The following ADAMTS7 variants were observed in gnomAD, a reference collection of about 807,000 sequenced individuals.
The protein encoded by ADAMTS7 is A disintegrin and metalloproteinase with thrombospondin motifs 7.
A neutral mutation model predicts 172.6 loss-of-function variants in ADAMTS7; 89 were observed. The observed-to-expected ratio is 0.52, with a 90% CI of 0.43 to 0.61. The LOEUF is 0.61. Ranked by LOEUF, ADAMTS7 falls within the 20% of genes least tolerant of loss-of-function variation. ADAMTS7 has a pLI of 0.00. For missense variants in ADAMTS7, 1,973 were observed against 2,355.6 expected, an observed-to-expected ratio of 0.84 and a Z score of 3.36; for synonymous variants, 885 against 978.4, an observed-to-expected ratio of 0.90 and a Z score of 1.78.
rs532805485 is a variant in ADAMTS7, at chr15:78,777,161, A to C, written c.1467+283T>G. On this transcript the variant is annotated intron_variant, in intron 9 of 23. Coordinates refer to ENST00000388820, the MANE Select transcript of ADAMTS7 (RefSeq NM_014272.5). ...GCCAGGATAAACAGACCCTCTCCAC[A>C]GGGGTTCCTTTTCCCTCTTATAAGC... The C allele has an allele frequency of 3.9e-4, 221 of 570,580 alleles. 1 individual carries two copies. The South Asian group carries it at 4.7e-3, about 12-fold the overall frequency. The allele number at this position is 570,580 out of a possible 1,614,324, so 35.3% of individuals were successfully genotyped here. A position where few individuals can be genotyped will look rare whatever the true frequency, so the allele number is the denominator to read the frequency against.
Position 78,766,602 on chromosome 15 carries a change from AG to A in ADAMTS7, c.3308del (p.Ala1103ValfsTer51). On this transcript the variant is annotated frameshift_variant, in exon 19 of 24. Transcript: ENST00000388820. LOFTEE classifies it high-confidence loss of function. The stretch of plus-strand genomic sequence containing the variant: ...GCACGGGGCTACCCGTGGAGGGCGC[AG>A]CAGGATGGCTGTGTGGTGGGGGTGT... ...DRTPPPHSHP[A>X]APSTGSPVPA... 6.2e-7 allele frequency: 1 copy of A among 1,605,458 alleles called. No individual in the cohort carries two copies. Among genetic ancestry groups the A allele is most frequent in the Non-Finnish European group, 8.5e-7 (1 of 1,177,634 alleles).
At chr15:78,768,742 C>T (rs541740214) in intron 16 of ADAMTS7, among the ~76,000 whole-genome samples, 2 of 152,342 alleles carry the variant, frequency 1.3e-5, no homozygotes, top group Non-Finnish European at 2.9e-5. Context: ...AGCCATGGCT[C>T]CTGCCACCCT....
chr15:78,778,206 G>C (rs1422654758), intron 8 of ADAMTS7, among the ~76,000 whole-genome samples: 12 of 152,220 alleles, frequency 7.9e-5, no homozygotes, highest in Admixed American at 7.2e-4. Flanking sequence ...AGCGGTAGCG[G>C]GGAAACTGGC....
rs1184332330 is a variant in ADAMTS7 at position 78,772,550 on chromosome 15, A to T, written c.2131+533T>A. Among the ~76,000 whole-genome samples, 7 of 152,114 alleles carry T rather than the reference A, an allele frequency of 4.6e-5. No homozygotes were observed. The East Asian group carries it at 1.3e-3, about 29-fold the overall frequency. On this transcript the variant is annotated intron_variant, in intron 14 of 23. Transcript: ENST00000388820. Reference sequence around the variant, plus strand: ...CTTTCCATCTCTTCTGAGTTTTATGATTCAGCTCGACTTCCGCCTCCTACA... The same window carrying T: ...CTTTCCATCTCTTCTGAGTTTTATGTTTCAGCTCGACTTCCGCCTCCTACA...
At chr15:78,767,958 C>T (rs867086326) in intron 17 of ADAMTS7, among the ~76,000 whole-genome samples, 175 bp downstream of exon 17, 181 of 146,818 alleles carry the variant, frequency 1.2e-3, no homozygotes, top group African/African-American at 4.3e-3. Context: ...AAGCCCGGCT[C>T]CCTCTGCTCC....
At chr15:78,763,586 G>T in intron 22 of ADAMTS7, 113 bp downstream of exon 22, 2 of 1,355,912 alleles carry the variant, frequency 1.5e-6, no homozygotes, top group Non-Finnish European at 1.9e-6. Context: ...CCAGTGACAG[G>T]GCCACAAAGA....
rs573990925 is a variant in ADAMTS7, at chr15:78,790,282, A to G, written c.1028+388T>C. Among the ~76,000 whole-genome samples, 35 of 152,270 alleles carry G rather than the reference A, an allele frequency of 2.3e-4. 2 individuals carry two copies. The South Asian group carries it at 7.0e-3, about 31-fold the overall frequency. On this transcript the variant is annotated intron_variant, in intron 6 of 23. Coordinates refer to ENST00000388820, the MANE Select transcript of ADAMTS7 (RefSeq NM_014272.5). ...GGTGAACCCACAATGATGAAACTGC[A>G]AAGAACTGAATACACACACACACAC...
At chr15:78,786,019 TC>T in intron 8 of ADAMTS7, among the ~76,000 whole-genome samples, 1 of 150,382 alleles carries the variant, frequency 6.6e-6, no homozygotes. Flanking sequence ...AACCTCCGCC[TC>T]CTGGGTTCAA....
intron 16 of ADAMTS7, among the ~76,000 whole-genome samples, chr15:78,769,217 C>T (rs867855113): frequency 3.2e-4 from 48 of 152,190 alleles, no homozygotes; most frequent in African/African-American, 1.1e-3. Flanking sequence ...GGCCTTTGCA[C>T]AGCCACGCTC....
intron 14 of ADAMTS7, among the ~76,000 whole-genome samples, chr15:78,772,214 C>T (rs191531640): frequency 1.7e-4 from 26 of 152,326 alleles, no homozygotes; most frequent in Admixed American, 1.1e-3. Context: ...ACACCCATCA[C>T]GTGCCAGGCA....
intron 1 of ADAMTS7, among the ~76,000 whole-genome samples, chr15:78,806,127 CAAAAAAAAAAAAAAAAAA>C (rs1169680816): frequency 2.1e-4 from 5 of 23,256 alleles, no homozygotes; most frequent in Non-Finnish European, 2.3e-4. Flanking sequence ...CACACACACA[CAAAAAAAAAAAAAAAAAA>C]AAAAAAAAAA....
chr15:78,775,690 C>A (rs1472361244), intron 11 of ADAMTS7, among the ~76,000 whole-genome samples: 5 of 152,350 alleles, frequency 3.3e-5, no homozygotes, highest in African/African-American at 1.2e-4. Flanking sequence ...CTGAGGCCAC[C>A]AAGCCCCTCC....
Position 78,811,464 on chromosome 15 carries a change from G to C in ADAMTS7, c.-244C>G. 1.4e-5 allele frequency: 4 copies of C among 295,146 alleles called. No individual in the cohort carries two copies. The highest frequency in any genetic ancestry group is 4.4e-5 in the African/African-American group (2 of 45,438). 18.3% of individuals were successfully genotyped at this position (295,146 alleles called of 1,614,324 possible). A position where few individuals can be genotyped will look rare whatever the true frequency, so the allele number is the denominator to read the frequency against. ...AGCTAGAAGGAGAGAAAGAAAGAAAGAAAGAAAGGGAGGGAGAGTGAGGGA... is the reference window on the plus strand; with the variant it reads ...AGCTAGAAGGAGAGAAAGAAAGAAACAAAGAAAGGGAGGGAGAGTGAGGGA... On this transcript the variant is annotated 5_prime_UTR_variant, in exon 1 of 24. Transcript: ENST00000388820.
In ADAMTS7 at chr15:78,806,048, C is replaced by A. The variant is rs536491977; in HGVS notation, c.100+5073G>T. 2.2e-5 allele frequency among the ~76,000 whole-genome samples: 3 copies of A among 136,042 alleles called. No individual in the cohort carries two copies. The East Asian group carries it at 6.5e-4, about 29-fold the overall frequency. The allele number at this position is 136,042 out of a possible 152,430, so 89.2% of individuals were successfully genotyped here. A position where few individuals can be genotyped will look rare whatever the true frequency, so the allele number is the denominator to read the frequency against. ...TGAGCAGAAATTGTACCACTGTACT[C>A]CAGCCTGGATGACAGAGCGAGACTC... On this transcript the variant is annotated intron_variant, in intron 1 of 23. Coordinates refer to ENST00000388820, the MANE Select transcript of ADAMTS7 (RefSeq NM_014272.5).
At position 78,770,963 on chromosome 15, in the gene ADAMTS7, C is replaced by T. The variant is rs546131644; in HGVS notation, c.2518+199G>A. On this transcript the variant is annotated intron_variant, in intron 16 of 23. Transcript: ENST00000388820. ...ACATGCGCCGCGAGCCAGCACCCAC[C>T]TGCCTCATCCATGTACCCTCCCAGC... 31 of 715,246 alleles carry T rather than the reference C, an allele frequency of 4.3e-5. No individual in the cohort carries two copies. The African/African-American group carries it at 4.8e-4, about 11-fold the overall frequency. The allele number at this position is 715,246 out of a possible 1,614,324, so 44.3% of individuals were successfully genotyped here.
rs760566157 is a variant in ADAMTS7, at chr15:78,763,762, G to C, written c.4677C>G (p.Pro1559=). 1.3e-6 allele frequency: 2 copies of C among 1,598,032 alleles called. No homozygotes were observed. Among genetic ancestry groups the C allele is most frequent in the African/African-American group, 2.7e-5 (2 of 74,718 alleles). ...GGGTGTTGCAGGGCCGGGTGGTGTTGGGTCTCAGCGCCTCCTCGCAGAGGC... is the reference window on the plus strand; with the variant it reads ...GGGTGTTGCAGGGCCGGGTGGTGTTCGGTCTCAGCGCCTCCTCGCAGAGGC... ...EPGLCEEALR[P]NTTRPCNTHP... Residue 1559 remains proline (P), a synonymous_variant, in exon 22 of 24, where the codon CCC becomes CCG. Coordinates refer to ENST00000388820, the MANE Select transcript of ADAMTS7 (RefSeq NM_014272.5).
intron 14 of ADAMTS7, among the ~76,000 whole-genome samples, chr15:78,772,816 T>G (rs76321846): frequency 6.6e-6 from 1 of 151,994 alleles, no homozygotes; most frequent in East Asian, 1.9e-4. Flanking sequence ...AGACTACCAT[T>G]CTTTGGAAGG....
rs370455938 is a variant in ADAMTS7 at position 78,800,335 on chromosome 15, C to T, written c.313G>A (p.Gly105Ser). 4.0e-5 allele frequency: 64 copies of T among 1,601,304 alleles called. 1 individual carries two copies. In the East Asian group the frequency reaches 1.3e-3, roughly 33 times the overall value. Residue 105 changes from glycine (G) to serine (S), a missense_variant, in exon 2 of 24, where the codon GGC becomes AGC. By Grantham distance (56) the Gly-to-Ser change is moderately conservative. This residue lies in a region of ADAMTS7 where 306 missense variants were observed against 288.0 expected (regional missense o/e 1.06). Coordinates refer to ENST00000388820, the MANE Select transcript of ADAMTS7 (RefSeq NM_014272.5). ...LTANQHLLAP[G>S]FVSETRRRGG... ...CGCCGCCGCGTCTCGCTCACAAAGC[C>T]GGGCGCCAGCAGGTGCTGATTGGCG...
In ADAMTS7 at chr15:78,800,450, T is replaced by C. The variant is rs1268273660; in HGVS notation, c.198A>G (p.Ala66=). The C allele has an allele frequency of 1.2e-6, 2 of 1,611,090 alleles. No homozygotes were observed. The highest frequency in any genetic ancestry group is 2.2e-5 in the East Asian group (1 of 44,828). Residue 66 remains alanine, a synonymous_variant, in exon 2 of 24, where the codon GCA becomes GCG. Coordinates refer to ENST00000388820, the MANE Select transcript of ADAMTS7 (RefSeq NM_014272.5). Reference sequence around the variant, plus strand: ...GCACAGATACATCCCGCTTGCGCAGTGCGCGGGGCCACAGCTCGTAGGACA... The same window carrying C: ...GCACAGATACATCCCGCTTGCGCAGCGCGCGGGGCCACAGCTCGTAGGACA... ...SFLSYELWPR[A]LRKRDVSVRR...
Sources: allele counts gnomAD v4.1 joint callset (sites outside exome capture counted in the v4.1 genomes callset), GRCh38; gene constraint gnomAD v4.1.1; regional missense constraint gnomAD v4.1.1; transcripts MANE v1.5; gene names NCBI Gene and HGNC (gene_info 2026-07-23, HGNC 2026-07-21).